ACOXL: variants seen among roughly 807,000 people sequenced by gnomAD.
ACOXL encodes acyl-coenzyme A oxidase-like protein.
In ACOXL, 70 loss-of-function variants were observed where a neutral mutation model predicts 71.9. That is an observed-to-expected ratio of 0.97 (90% CI 0.80 to 1.19). The LOEUF (loss-of-function observed/expected upper bound fraction) is 1.19. Ranked by LOEUF, ACOXL falls within the 50% of genes most tolerant of loss-of-function variation. ACOXL has a pLI of 0.00. For synonymous variants in ACOXL, 253 were observed against 281.6 expected (o/e 0.90, Z 1.02); for missense variants, 703 against 736.3 (o/e 0.95, Z 0.52).
chr2:110,839,464 T>C (rs1690870280), intron 9 of ACOXL, among the ~76,000 whole-genome samples: 2 of 152,210 alleles, frequency 1.3e-5, no homozygotes, highest in Admixed American at 1.3e-4. Context: ...TCTGTTTGCT[T>C]AAGTTTCAAA....
chr2:110,744,859 C>A (rs1405823167), intron 1 of ACOXL, among the ~76,000 whole-genome samples: 3 of 152,096 alleles, frequency 2.0e-5, no homozygotes, highest in African/African-American at 7.2e-5. Context: ...TGAAGCTAGC[C>A]CTGGTGCAGC....
chr2:111,049,437 G>T (rs1016535626), intron 16 of ACOXL, 149 bp downstream of exon 16: 4 of 662,370 alleles, frequency 6.0e-6, no homozygotes, highest in African/African-American at 5.4e-5. Context: ...CGAATTGGAG[G>T]GTTGCTGGTT....
rs1162434554 is a variant in ACOXL at position 111,117,826 on chromosome 2, C to T, written c.*10C>T. ...GGGAGCCAAGCTCTAACGGGTGTGG[C>T]GGGAAGTGTGGTGGCCCGCCAGCAG... is the stretch of plus-strand genomic sequence containing the variant. On this transcript the variant is annotated 3_prime_UTR_variant, in exon 18 of 18. Coordinates refer to ENST00000439055, the MANE Select transcript of ACOXL (RefSeq NM_001142807.4). The T allele has an allele frequency of 1.3e-6, 2 of 1,543,546 alleles. No homozygotes were observed. Among genetic ancestry groups the T allele is most frequent in the Non-Finnish European group, 1.7e-6 (2 of 1,145,568 alleles).
At chr2:110,842,115 A>G (rs1045754238) in intron 10 of ACOXL, among the ~76,000 whole-genome samples, 5 of 152,192 alleles carry the variant, frequency 3.3e-5, no homozygotes, top group African/African-American at 7.2e-5. Flanking sequence ...GACAACCTAA[A>G]GTCACCTGAT....
chr2:111,075,465 G>T (rs1021455088), intron 16 of ACOXL, among the ~76,000 whole-genome samples: 11 of 151,484 alleles, frequency 7.3e-5, no homozygotes, highest in African/African-American at 2.4e-4. Context: ...AGTAATTTGT[G>T]TCTATTTTTG....
chr2:110,934,871 G>A (rs1224287909), intron 12 of ACOXL, among the ~76,000 whole-genome samples: 1 of 152,188 alleles, frequency 6.6e-6, no homozygotes, highest in African/African-American at 2.4e-5. Context: ...AAAAGAAAGG[G>A]AATGGAGAAT....
intron 12 of ACOXL, among the ~76,000 whole-genome samples, chr2:110,965,230 G>A (rs1228187272): frequency 6.6e-6 from 1 of 152,122 alleles, no homozygotes; most frequent in Non-Finnish European, 1.5e-5. Flanking sequence ...TTTGTGTGAT[G>A]GGTATTTAGG....
intron 12 of ACOXL, among the ~76,000 whole-genome samples, chr2:110,980,479 C>T (rs2062656454): frequency 6.6e-6 from 1 of 152,154 alleles, no homozygotes; most frequent in African/African-American, 2.4e-5. Flanking sequence ...TGGAAGAGCT[C>T]CCTGTTCCTG....
At chr2:110,943,953 T>G (rs1381795925) in intron 12 of ACOXL, among the ~76,000 whole-genome samples, 2 of 152,220 alleles carry the variant, frequency 1.3e-5, no homozygotes, top group Non-Finnish European at 2.9e-5. Flanking sequence ...ATTATTAGTC[T>G]TACTTTACAC....
At chr2:110,781,413 G>A (rs942901988) in intron 2 of ACOXL, among the ~76,000 whole-genome samples, 17 of 151,854 alleles carry the variant, frequency 1.1e-4, no homozygotes, top group African/African-American at 3.9e-4. Flanking sequence ...AGGTGGAGGC[G>A]GGCGGATCAT....
Position 111,031,659 on chromosome 2 carries a change from C to G in ACOXL, c.1314C>G (p.Ala438=), listed in dbSNP as rs760450584. The G allele has an allele frequency of 6.2e-7, 1 of 1,614,166 alleles. No homozygotes were observed. ...VKTKKEDFFH[A]WNSCLHHVAS... ...CCAAGAAGGAGGATTTTTTCCATGC[C>G]TGGAACTCGTGTCTGCACCACGTGG... The change falls in exon 15 of 18, where the codon GCC becomes GCG. Residue 438 remains alanine (A), a synonymous_variant. Transcript: ENST00000439055.
chr2:110,813,094 C>G (rs1207319119), intron 9 of ACOXL, among the ~76,000 whole-genome samples: 2 of 152,156 alleles, frequency 1.3e-5, no homozygotes, highest in Non-Finnish European at 2.9e-5. Flanking sequence ...CAGCCCTTCC[C>G]CAATGAGTAG....
intron 12 of ACOXL, among the ~76,000 whole-genome samples, chr2:110,981,883 C>G (rs1005216828): frequency 1.3e-5 from 2 of 152,136 alleles, no homozygotes; most frequent in African/African-American, 4.8e-5. Context: ...TCAATATAAA[C>G]AGTAGGTGCC....
chr2:111,053,399 G>C lies in ACOXL; in HGVS notation c.1440+4111G>C, dbSNP rs150313398. On this transcript the variant is annotated intron_variant, in intron 16 of 17. Coordinates refer to ENST00000439055, the MANE Select transcript of ACOXL (RefSeq NM_001142807.4). Reference sequence around the variant, plus strand: ...TTTGTGTGTGTGTGTGAGTGAAAGGGGCACCATTAAAAATAGAACTTGGAT... The same window carrying C: ...TTTGTGTGTGTGTGTGAGTGAAAGGCGCACCATTAAAAATAGAACTTGGAT... Among the ~76,000 whole-genome samples, 5 of 152,190 alleles carry C rather than the reference G, an allele frequency of 3.3e-5. 1 individual carries two copies. The East Asian group carries it at 9.6e-4, about 29-fold the overall frequency.
chr2:111,112,659 A>G (rs567646457), intron 17 of ACOXL, among the ~76,000 whole-genome samples: 9 of 152,328 alleles, frequency 5.9e-5, no homozygotes, highest in Admixed American at 2.6e-4. Flanking sequence ...CAGGTTAACT[A>G]CTTGATTGTG....
In ACOXL at chr2:110,995,953, A is replaced by G. The variant is rs1478908531; in HGVS notation, c.1230A>G (p.Lys410=). ...DDLAFLLKAV[K]FRERVLQRGL... is the part of the protein sequence containing the mutation. ...TCGCCTTTCTGTTGAAAGCAGTGAA[A>G]TTTCGTGAAAGGGTTCTTCAGCGGG... The change falls in exon 14 of 18, where the codon AAA becomes AAG. Residue 410 remains lysine, a synonymous_variant. Coordinates refer to ENST00000439055, the MANE Select transcript of ACOXL (RefSeq NM_001142807.4). 3.7e-6 allele frequency: 6 copies of G among 1,608,752 alleles called. 1 individual carries two copies. The South Asian group carries it at 6.6e-5, about 18-fold the overall frequency.
At chr2:110,738,056 C>T (rs1677081799) in intron 1 of ACOXL, among the ~76,000 whole-genome samples, 1 of 152,238 alleles carries the variant, frequency 6.6e-6, no homozygotes, top group South Asian at 2.1e-4. Flanking sequence ...GGACCTTCCA[C>T]TTCCCATCTC....
intron 10 of ACOXL, among the ~76,000 whole-genome samples, chr2:110,859,106 C>T (rs539207824): frequency 1.3e-5 from 2 of 152,334 alleles, no homozygotes; most frequent in South Asian, 4.1e-4. Context: ...ATTTTATCTG[C>T]CTGGGCTTTG....
chr2:110,883,479 C>T (rs1227230974), intron 10 of ACOXL, among the ~76,000 whole-genome samples: 1 of 152,182 alleles, frequency 6.6e-6, no homozygotes, highest in African/African-American at 2.4e-5. Context: ...ATAGGATAGT[C>T]CTGGTTTGCT....
Sources: allele counts gnomAD v4.1 joint callset (sites outside exome capture counted in the v4.1 genomes callset), GRCh38; gene constraint gnomAD v4.1.1; transcripts MANE v1.5; gene names NCBI Gene and HGNC (gene_info 2026-07-23, HGNC 2026-07-21).